IFT52: variants seen among roughly 807,000 people sequenced by gnomAD.
IFT52 encodes the protein intraflagellar transport protein 52 homolog.
In IFT52, 44 loss-of-function variants were observed where a neutral mutation model predicts 54.4. The observed-to-expected ratio is 0.81, with a 90% CI of 0.63 to 1.04. The LOEUF is 1.04. Ranked by LOEUF, IFT52 falls within the 50% of genes least tolerant of loss-of-function variation. The pLI, the probability that IFT52 is intolerant of heterozygous loss-of-function variation, is 0.00. For synonymous variants in IFT52, 181 were observed against 185.3 expected (o/e 0.98, Z 0.19); for missense variants, 452 against 523.6 (o/e 0.86, Z 1.33).
intron 10 of IFT52, among the ~76,000 whole-genome samples, chr20:43,625,084 A>G (rs1984615890): frequency 6.6e-6 from 1 of 152,112 alleles, no homozygotes; most frequent in Non-Finnish European, 1.5e-5. Flanking sequence ...TTTGAAGTTT[A>G]TTATCTAGCA....
At chr20:43,607,841 C>G (rs896260988) in intron 6 of IFT52, among the ~76,000 whole-genome samples, 4 of 152,176 alleles carry the variant, frequency 2.6e-5, no homozygotes, top group African/African-American at 9.7e-5. Context: ...CGCCACTGCA[C>G]TCCAGCCTGG....
intron 3 of IFT52, among the ~76,000 whole-genome samples, chr20:43,597,327 C>T (rs1253369870): frequency 4.1e-5 from 6 of 146,426 alleles, no homozygotes; most frequent in Non-Finnish European, 6.0e-5. Context: ...GCCAAGATCG[C>T]GCCATCTCAC....
At chr20:43,598,697 AAAAC>A (rs1438302666) in intron 3 of IFT52, among the ~76,000 whole-genome samples, 2 of 152,334 alleles carry the variant, frequency 1.3e-5, no homozygotes, top group East Asian at 1.9e-4. Context: ...CTGAAAAGAA[AAAAC>A]AAACAAACAA....
intron 7 of IFT52, among the ~76,000 whole-genome samples, chr20:43,618,735 C>T (rs930018643): frequency 3.9e-5 from 6 of 151,942 alleles, no homozygotes; most frequent in African/African-American, 9.7e-5. Context: ...CCGCCTGCCT[C>T]GGCCTCCCAA....
chr20:43,606,897 T>C (rs1344088445), intron 6 of IFT52, among the ~76,000 whole-genome samples: 1 of 152,136 alleles, frequency 6.6e-6, no homozygotes, highest in Non-Finnish European at 1.5e-5. Context: ...GAGCACAGGG[T>C]TGGGGGTAAG....
intron 6 of IFT52, among the ~76,000 whole-genome samples, chr20:43,605,865 G>A (rs1982829050): frequency 6.6e-6 from 1 of 152,144 alleles, no homozygotes; most frequent in African/African-American, 2.4e-5. Flanking sequence ...GAACTTAGAT[G>A]CAAACATAGG....
At position 43,622,830 on chromosome 20, in the gene IFT52, A is replaced by T. The variant is rs952621077; in HGVS notation, c.769-1061A>T. The stretch of plus-strand genomic sequence containing the variant: ...TAAATATAAATATATACATATTTTT[A>T]TGTGTAAATATAAATATATACATAT... On this transcript the variant is annotated intron_variant, in intron 9 of 13. Transcript: ENST00000373030. 7.6e-4 allele frequency among the ~76,000 whole-genome samples: 114 copies of T among 149,708 alleles called. 1 individual carries two copies. Among genetic ancestry groups the T allele is most frequent in the African/African-American group, 2.6e-3 (105 of 41,080 alleles).
Position 43,634,959 on chromosome 20 carries a change from A to G in IFT52, c.924-967A>G, listed in dbSNP as rs187399551. Among the ~76,000 whole-genome samples, 775 of 152,200 alleles carry G rather than the reference A, an allele frequency of 5.1e-3. 5 individuals carry two copies. Among genetic ancestry groups the G allele is most frequent in the South Asian group, 0.011 (54 of 4,818 alleles). On this transcript the variant is annotated intron_variant, in intron 10 of 13. Transcript: ENST00000373030. ...ACTGAGGCGGGTGGATCACGAGGTC[A>G]GGAGTTCAAGACCAGCCTGACCAAC...
chr20:43,601,860 T>G (rs567707991), intron 3 of IFT52, among the ~76,000 whole-genome samples: 7 of 152,344 alleles, frequency 4.6e-5, no homozygotes, highest in African/African-American at 1.7e-4. Context: ...TCCAGGATCA[T>G]GCAGTTATAA....
chr20:43,598,657 C>T lies in IFT52; in HGVS notation c.207+2135C>T, dbSNP rs370425783. On this transcript the variant is annotated intron_variant, in intron 3 of 13. Transcript: ENST00000373030. The stretch of plus-strand genomic sequence containing the variant: ...TTGCAGTGAGCCGAGATTGCGCCAC[C>T]GCACTCCAGCCTGGCGACAGAGACC... Among the ~76,000 whole-genome samples the T allele has an allele frequency of 3.8e-3, 585 of 152,016 alleles. 4 individuals carry two copies. Among genetic ancestry groups the T allele is most frequent in the South Asian group, 0.011 (55 of 4,814 alleles).
At chr20:43,603,924 C>T in intron 4 of IFT52, 35 bp downstream of exon 4, 1 of 1,351,796 alleles carries the variant, frequency 7.4e-7, no homozygotes. Flanking sequence ...AGAGGCAGTA[C>T]TTTTCTATCT....
At chr20:43,614,809 CT>C (rs1037730877) in intron 7 of IFT52, among the ~76,000 whole-genome samples, 456 of 134,930 alleles carry the variant, frequency 3.4e-3, no homozygotes, top group Middle Eastern at 7.9e-3. Flanking sequence ...CTTTCTTTTT[CT>C]TTTTTTTTTT....
At chr20:43,597,214 A>T (rs190006179) in intron 3 of IFT52, among the ~76,000 whole-genome samples, 1 of 151,928 alleles carries the variant, frequency 6.6e-6, no homozygotes, top group Non-Finnish European at 1.5e-5. Context: ...TCTACTAAAA[A>T]TACAAAATTA....
At chr20:43,630,933 G>T (rs1364015714) in intron 10 of IFT52, among the ~76,000 whole-genome samples, 1 of 152,212 alleles carries the variant, frequency 6.6e-6, no homozygotes, top group African/African-American at 2.4e-5. Flanking sequence ...CAAAGCCTTT[G>T]CTCCAGCACA....
chr20:43,627,918 G>C (rs1318562497), intron 10 of IFT52, among the ~76,000 whole-genome samples: 56 of 98,206 alleles, frequency 5.7e-4, no homozygotes, highest in South Asian at 1.2e-3. Context: ...GAGAGAGAGA[G>C]AGAGTTTTTT....
chr20:43,600,247 T>A (rs939909308), intron 3 of IFT52, among the ~76,000 whole-genome samples: 4 of 152,102 alleles, frequency 2.6e-5, no homozygotes, highest in African/African-American at 9.7e-5. Flanking sequence ...TCATGAGCCG[T>A]GTTGCTGTCG....
chr20:43,613,510 C>T (rs774611753), intron 6 of IFT52, among the ~76,000 whole-genome samples: 4 of 152,114 alleles, frequency 2.6e-5, no homozygotes, highest in East Asian at 3.8e-4. Context: ...AGCTGAGCAC[C>T]GTGGCACACG....
At chr20:43,635,781 CA>C in intron 10 of IFT52, 144 bp from the exon 11 acceptor site, 1 of 654,314 alleles carries the variant, frequency 1.5e-6, no homozygotes, top group Non-Finnish European at 2.7e-6. Context: ...GGTGTATACC[CA>C]GTAATGGGAT....
intron 8 of IFT52, 41 bp downstream of exon 8, chr20:43,619,067 T>G (rs1245676816): frequency 3.7e-6 from 5 of 1,346,286 alleles, no homozygotes; most frequent in African/African-American, 1.5e-5. Context: ...CAATGTGTAT[T>G]ATTTTCATGT....
Sources: allele counts gnomAD v4.1 joint callset (sites outside exome capture counted in the v4.1 genomes callset), GRCh38; gene constraint gnomAD v4.1.1; transcripts MANE v1.5; gene names NCBI Gene and HGNC (gene_info 2026-07-23, HGNC 2026-07-21).